Variants in TCERG1L observed in about 807,000 individuals in gnomAD.
The protein encoded by TCERG1L is transcription elongation regulator 1-like protein.
In TCERG1L, 37 loss-of-function variants were observed where a neutral mutation model predicts 56.3. That is an observed-to-expected ratio of 0.66 (90% confidence interval 0.51 to 0.87). The LOEUF is 0.87. TCERG1L is among the 40% of genes least tolerant of loss of function. The pLI is 0.00. For missense variants in TCERG1L, 799 were observed against 774.2 expected (o/e 1.03, Z -0.38); for synonymous variants, 324 against 326.3 (o/e 0.99, Z 0.08).
intron 6 of TCERG1L, among the ~76,000 whole-genome samples, chr10:131,159,661 A>G (rs1297473533): frequency 2.6e-5 from 4 of 151,308 alleles, no homozygotes; most frequent in Admixed American, 6.6e-5. Flanking sequence ...TCAGCTAATC[A>G]GGTGAAATAG....
chr10:131,249,417 C>A (rs527857693), intron 4 of TCERG1L, among the ~76,000 whole-genome samples: 2 of 152,020 alleles, frequency 1.3e-5, no homozygotes, highest in Non-Finnish European at 2.9e-5. Context: ...TGGCTCCACC[C>A]GGCTACCCCA....
chr10:131,183,093 A>T (rs1845198634), intron 4 of TCERG1L, among the ~76,000 whole-genome samples: 1 of 152,168 alleles, frequency 6.6e-6, no homozygotes, highest in Admixed American at 6.5e-5. Flanking sequence ...TGCCAAGGCC[A>T]GCCCCGAATA....
At chr10:131,205,691 T>C (rs1032528104) in intron 4 of TCERG1L, among the ~76,000 whole-genome samples, 8 of 152,364 alleles carry the variant, frequency 5.3e-5, no homozygotes, top group Middle Eastern at 3.4e-3. Flanking sequence ...TGACTGCCAC[T>C]TCCTGGAAAG....
chr10:131,291,397 A>ATTTTTTTTTTTTTT (rs1564835283), intron 3 of TCERG1L, among the ~76,000 whole-genome samples: 1 of 60,188 alleles, frequency 1.7e-5, no homozygotes. Flanking sequence ...CATAAACAGC[A>ATTTTTTTTTTTTTT]TTTCTTTTTT....
chr10:131,256,322 G>A (rs200715904), intron 4 of TCERG1L, among the ~76,000 whole-genome samples: 1 of 101,206 alleles, frequency 9.9e-6, no homozygotes, highest in Non-Finnish European at 2.3e-5. Context: ...TTCTGACTTG[G>A]CTGGTAAGTT....
At chr10:131,208,393 C>G (rs931141077) in intron 4 of TCERG1L, among the ~76,000 whole-genome samples, 1 of 152,196 alleles carries the variant, frequency 6.6e-6, no homozygotes, top group African/African-American at 2.4e-5. Flanking sequence ...AGCTCCGAGC[C>G]CACAGAGCTC....
chr10:131,154,126 C>T (rs890773081), intron 6 of TCERG1L, among the ~76,000 whole-genome samples: 3 of 152,138 alleles, frequency 2.0e-5, no homozygotes, highest in African/African-American at 7.2e-5. Flanking sequence ...TTCTGGATAC[C>T]TGCCATATTC....
At chr10:131,271,101 C>T (rs1846335588) in intron 3 of TCERG1L, among the ~76,000 whole-genome samples, 1 of 152,224 alleles carries the variant, frequency 6.6e-6, no homozygotes, top group South Asian at 2.1e-4. Context: ...CCTGCCACCG[C>T]CTTCTCTGCT....
chr10:131,164,072 A>G lies in TCERG1L; in HGVS notation c.946-862T>C, dbSNP rs997759025. The G allele has an allele frequency of 8.1e-5, 12 of 148,640 alleles. No homozygotes were observed. The East Asian group carries it at 2.5e-3, about 30-fold the overall frequency. The allele number at this position is 148,640 out of a possible 1,614,324, so 9.2% of individuals were successfully genotyped here. On this transcript the variant is annotated intron_variant, in intron 5 of 11. Coordinates refer to ENST00000368642, the MANE Select transcript of TCERG1L (RefSeq NM_174937.4). ...AAACTTGGAGGCGGAGGTTGCAGTG[A>G]GCCGAGATTACACCACTGCACTCCG...
Position 131,093,322 on chromosome 10 carries a change from A to G in TCERG1L, c.1605-4T>C, listed in dbSNP as rs1218672647. ...TGCAAACTCCTTAAACGTGGTCCTG[A>G]AAAAGAAAGAGTTTCCTGAGACACC... On this transcript the variant is annotated splice_polypyrimidine_tract_variant and splice_region_variant and intron_variant, in intron 11 of 11. Transcript: ENST00000368642. The G allele has an allele frequency of 6.2e-7, 1 of 1,611,644 alleles. No homozygotes were observed. The highest frequency in any genetic ancestry group is 8.5e-7 in the Non-Finnish European group (1 of 1,179,310).
chr10:131,145,085 C>G (rs771342714), intron 7 of TCERG1L, among the ~76,000 whole-genome samples: 2 of 152,242 alleles, frequency 1.3e-5, no homozygotes, highest in Non-Finnish European at 2.9e-5. Flanking sequence ...ACCAAATTAT[C>G]TACAAGAACG....
At chr10:131,218,802 C>A (rs916128849) in intron 4 of TCERG1L, among the ~76,000 whole-genome samples, 2 of 152,176 alleles carry the variant, frequency 1.3e-5, no homozygotes, top group African/African-American at 4.8e-5. Flanking sequence ...GGGATCCTTG[C>A]AGCTTGGCGA....
At chr10:131,101,840 A>C (rs1845307163) in intron 10 of TCERG1L, among the ~76,000 whole-genome samples, 1 of 152,068 alleles carries the variant, frequency 6.6e-6, no homozygotes, top group Non-Finnish European at 1.5e-5. Flanking sequence ...AACTGGGATT[A>C]CAAGCAAGCA....
intron 4 of TCERG1L, among the ~76,000 whole-genome samples, chr10:131,232,739 C>T (rs991832768): frequency 2.0e-5 from 3 of 152,140 alleles, no homozygotes; most frequent in Non-Finnish European, 2.9e-5. Flanking sequence ...CAAAACCCTC[C>T]CCTCCTTGTT....
rs1267612873 is a variant in TCERG1L, at chr10:131,190,872, A to C, written c.857-23987T>G. On this transcript the variant is annotated intron_variant, in intron 4 of 11. Coordinates refer to ENST00000368642, the MANE Select transcript of TCERG1L (RefSeq NM_174937.4). ...AGTTCCGGAAGTACTAACCAGAGAA[A>C]TTAAACCCGAGAAAGAAATAAAAGG... is the stretch of plus-strand genomic sequence containing the variant. 1.4e-5 allele frequency among the ~76,000 whole-genome samples: 2 copies of C among 144,206 alleles called. 1 individual carries two copies. The highest frequency in any genetic ancestry group is 3.1e-5 in the Non-Finnish European group (2 of 65,354). 94.6% of individuals were successfully genotyped at this position (144,206 alleles called of 152,430 possible). A position where few individuals can be genotyped will look rare whatever the true frequency, so the allele number is the denominator to read the frequency against.
intron 3 of TCERG1L, among the ~76,000 whole-genome samples, chr10:131,304,782 C>T (rs1347885693): frequency 1.3e-5 from 2 of 152,184 alleles, no homozygotes; most frequent in African/African-American, 4.8e-5. Flanking sequence ...TCCTCTGCTT[C>T]CTGAGAACAA....
rs371039007 is a variant in TCERG1L at position 131,280,460 on chromosome 10, AG to A, written c.671-20017del. ...CAGGAGGGGCTTCCAGGTCAAAGGT[AG>A]ATGAGAGAGGAATGGTTGCATTCTT... is the stretch of plus-strand genomic sequence containing the variant. On this transcript the variant is annotated intron_variant, in intron 3 of 11. Coordinates refer to ENST00000368642, the MANE Select transcript of TCERG1L (RefSeq NM_174937.4). Among the ~76,000 whole-genome samples, 1,028 of 151,890 alleles carry A rather than the reference AG, an allele frequency of 6.8e-3. 13 individuals carry two copies. The highest frequency in any genetic ancestry group is 0.024 in the African/African-American group (983 of 41,376).
At chr10:131,264,435 C>G (rs2397758) in intron 3 of TCERG1L, among the ~76,000 whole-genome samples, 123,563 of 152,164 alleles carry the variant, frequency 0.81, 50,598 homozygotes, top group South Asian at 0.9. Context: ...AGAAGCCATA[C>G]AGCTTGGTAC....
chr10:131,275,749 A>G (rs1846385875), intron 3 of TCERG1L, among the ~76,000 whole-genome samples: 1 of 152,240 alleles, frequency 6.6e-6, no homozygotes, highest in Admixed American at 6.5e-5. Context: ...ATCTTTAAAA[A>G]GGAAGAATGG....
Sources: gnomAD v4.1 joint callset for allele counts (sites outside exome capture counted in the v4.1 genomes callset) on GRCh38, gnomAD v4.1.1 for gene constraint, MANE v1.5 for transcripts, NCBI Gene and HGNC (gene_info 2026-07-23, HGNC 2026-07-21) for gene names.